Variants in RABEP1 observed in about 807,000 individuals in gnomAD.
RABEP1 encodes rab GTPase-binding effector protein 1.
Under a neutral mutation model 123.4 loss-of-function variants are expected in RABEP1, and 51 were observed. The ratio of observed to expected loss-of-function variants is 0.41; its 90% CI spans 0.33 to 0.52. The LOEUF (loss-of-function observed/expected upper bound fraction) is 0.52. Ranked by LOEUF, RABEP1 falls within the 20% of genes least tolerant of loss-of-function variation. RABEP1 has a pLI of 0.16. For missense variants in RABEP1, 888 were observed against 996.3 expected, an observed-to-expected ratio of 0.89 and a Z score of 1.46; for synonymous variants, 347 against 355.2, an observed-to-expected ratio of 0.98 and a Z score of 0.26.
At chr17:5,374,490 G>T (rs1910816217) in intron 13 of RABEP1, among the ~76,000 whole-genome samples, 1 of 151,732 alleles carries the variant, frequency 6.6e-6, no homozygotes, top group Non-Finnish European at 1.5e-5. Flanking sequence ...AGGCTGGAGT[G>T]CAGTGGTGTG....
chr17:5,357,252 T>A (rs1909103907), intron 8 of RABEP1, among the ~76,000 whole-genome samples: 2 of 152,206 alleles, frequency 1.3e-5, no homozygotes, highest in Non-Finnish European at 2.9e-5. Context: ...AACTTAAATC[T>A]ACTCTAAGGT....
Position 5,351,052 on chromosome 17 carries a change from C to T in RABEP1, c.963+423C>T, listed in dbSNP as rs1046920140. Among the ~76,000 whole-genome samples the T allele has an allele frequency of 2.0e-5, 3 of 152,072 alleles. No homozygotes were observed. The East Asian group carries it at 5.8e-4, about 29-fold the overall frequency. On this transcript the variant is annotated intron_variant, in intron 7 of 17. Coordinates refer to ENST00000537505, the MANE Select transcript of RABEP1 (RefSeq NM_004703.6). ...TTGCAATCTTTTTTGTTTGTTTTAGCTCATCAGCTATCGTTAGCGTCAGTG... is the reference window on the plus strand; with the variant it reads ...TTGCAATCTTTTTTGTTTGTTTTAGTTCATCAGCTATCGTTAGCGTCAGTG...
chr17:5,327,253 CAGGAGAATCGCTTGAACTTGGGAG>C (rs967529963), intron 2 of RABEP1, among the ~76,000 whole-genome samples: 24 of 151,304 alleles, frequency 1.6e-4, no homozygotes, highest in African/African-American at 5.8e-4. Context: ...GAGACTGAGG[CAGGAGAATCGCTTGAACTTGGGAG>C]TTGGAGGTTG....
At chr17:5,334,988 A>C (rs1906926192) in intron 3 of RABEP1, among the ~76,000 whole-genome samples, 196 bp from the exon 4 acceptor site, 1 of 152,218 alleles carries the variant, frequency 6.6e-6, no homozygotes, top group Non-Finnish European at 1.5e-5. Flanking sequence ...TTTATTGTGA[A>C]GATTAGAAGT....
chr17:5,320,669 T>C (rs2144563920), intron 2 of RABEP1, among the ~76,000 whole-genome samples: 1 of 152,340 alleles, frequency 6.6e-6, no homozygotes, highest in African/African-American at 2.4e-5. Flanking sequence ...TTCCCACTTA[T>C]TTCTTTGTTT....
intron 1 of RABEP1, among the ~76,000 whole-genome samples, chr17:5,294,572 T>G (rs2075062539): frequency 1.0e-5 from 1 of 100,148 alleles, no homozygotes; most frequent in Non-Finnish European, 1.9e-5. Context: ...ATCATCAGAT[T>G]TTGGTATCTG....
chr17:5,374,855 G>A (rs1199281811), intron 13 of RABEP1, among the ~76,000 whole-genome samples: 1 of 152,114 alleles, frequency 6.6e-6, no homozygotes, highest in Non-Finnish European at 1.5e-5. Context: ...CATTGGCTAG[G>A]CTGGTCTCCA....
chr17:5,359,913 A>C (rs1909353272), intron 8 of RABEP1, among the ~76,000 whole-genome samples: 1 of 152,210 alleles, frequency 6.6e-6, no homozygotes. Flanking sequence ...ATGTAATGGC[A>C]CTGGTTTGCT....
intron 1 of RABEP1, among the ~76,000 whole-genome samples, chr17:5,304,694 T>C (rs1405123586): frequency 6.6e-6 from 1 of 152,220 alleles, no homozygotes. Context: ...AAGGCTGGCA[T>C]ACTGATATTC....
rs760657754 is a variant in RABEP1, at chr17:5,386,305, T to C, written c.*3082T>C. On this transcript the variant is annotated 3_prime_UTR_variant, in exon 18 of 18. Transcript: ENST00000537505. ...GTAAAGTCACTCACTTTTGGAATTA[T>C]AATAAACCATTTATATGGATTCTTA... is the stretch of plus-strand genomic sequence containing the variant. The C allele has an allele frequency of 8.2e-6, 12 of 1,459,310 alleles. No individual in the cohort carries two copies. Among genetic ancestry groups the C allele is most frequent in the East Asian group, 6.9e-5 (3 of 43,794 alleles). 90.4% of individuals were successfully genotyped at this position (1,459,310 alleles called of 1,614,324 possible).
chr17:5,340,079 T>G (rs1597369690), intron 5 of RABEP1, among the ~76,000 whole-genome samples: 1 of 152,316 alleles, frequency 6.6e-6, no homozygotes, highest in East Asian at 1.9e-4. Context: ...AGTAGCAGAT[T>G]AAAATTGACC....
chr17:5,359,349 C>T (rs1012290108), intron 8 of RABEP1, among the ~76,000 whole-genome samples: 26 of 152,300 alleles, frequency 1.7e-4, no homozygotes, highest in African/African-American at 5.3e-4. Context: ...GCTGGGATTA[C>T]GGGTGTGAGC....
intron 1 of RABEP1, among the ~76,000 whole-genome samples, chr17:5,288,684 T>C: frequency 6.6e-6 from 1 of 152,108 alleles, no homozygotes; most frequent in Non-Finnish European, 1.5e-5. Flanking sequence ...CGTGAGCCAC[T>C]GCGCCTGGCC....
intron 2 of RABEP1, among the ~76,000 whole-genome samples, chr17:5,319,309 C>T (rs1444628534): frequency 8.6e-6 from 1 of 116,172 alleles, no homozygotes; most frequent in Non-Finnish European, 1.7e-5. Context: ...AGCCTGGTGA[C>T]AGAATGAGAC....
intron 1 of RABEP1, among the ~76,000 whole-genome samples, chr17:5,297,606 A>G (rs1173642884): frequency 6.6e-6 from 1 of 152,252 alleles, no homozygotes; most frequent in Non-Finnish European, 1.5e-5. Flanking sequence ...AACTGGGGTG[A>G]TAATGCCTAT....
At chr17:5,363,129 C>A in intron 10 of RABEP1, 113 bp downstream of exon 10, 1 of 753,760 alleles carries the variant, frequency 1.3e-6, no homozygotes. Context: ...GCATATCCAT[C>A]TTGTTAAGTT....
chr17:5,321,764 C>T (rs946229431), intron 2 of RABEP1, among the ~76,000 whole-genome samples: 4 of 152,222 alleles, frequency 2.6e-5, no homozygotes, highest in Non-Finnish European at 5.9e-5. Flanking sequence ...GACTACAAAT[C>T]TAAGACTTAA....
intron 5 of RABEP1, among the ~76,000 whole-genome samples, chr17:5,339,307 G>A (rs989959693): frequency 7.2e-5 from 11 of 152,178 alleles, no homozygotes. Context: ...CTAACTTTAT[G>A]TTACTTGTAA....
At chr17:5,367,245 T>TATACAC (rs1555525066) in intron 11 of RABEP1, among the ~76,000 whole-genome samples, 1 of 147,666 alleles carries the variant, frequency 6.8e-6, no homozygotes, top group African/African-American at 2.5e-5. Flanking sequence ...AGAACTTAGA[T>TATACAC]ACACACACAC....
Sources: gnomAD v4.1 joint callset for allele counts (sites outside exome capture counted in the v4.1 genomes callset) on GRCh38, gnomAD v4.1.1 for gene constraint, MANE v1.5 for transcripts, NCBI Gene and HGNC (gene_info 2026-07-23, HGNC 2026-07-21) for gene names.